The following PCDHGA4 variants were observed in gnomAD, a reference collection of about 807,000 sequenced individuals.
PCDHGA4 encodes the protein protocadherin gamma subfamily A, 4.
PCDHGA4 carries 38 observed loss-of-function variants against 54.6 expected under a neutral mutation model. That is an observed-to-expected ratio of 0.70 (90% confidence interval 0.54 to 0.91). The LOEUF (loss-of-function observed/expected upper bound fraction) is 0.91, where lower values mean the gene tolerates loss of function less well. PCDHGA4 is among the 40% of genes least tolerant of loss of function. PCDHGA4 has a pLI of 0.00. For missense variants in PCDHGA4, 1,298 were observed against 1,220.9 expected (o/e 1.06, Z -0.94); for synonymous variants, 511 against 512.9 (o/e 1.00, Z 0.05).
chr5:141,359,297 G>A (rs1299334892), intron 1 of PCDHGA4, among the ~76,000 whole-genome samples: 3 of 152,098 alleles, frequency 2.0e-5, no homozygotes, highest in Admixed American at 6.5e-5. Context: ...ACTGTGTCAA[G>A]CATATTCAGG....
At position 141,477,418 on chromosome 5, in the gene PCDHGA4, C is replaced by G. The variant is rs759728291; in HGVS notation, c.2515-17389C>G. ...GCATCACCGCCCGAGACGCCGGAAC[C>G]CCTTCCCTCTCAGCCCTTACAATAG... On this transcript the variant is annotated intron_variant, in intron 1 of 3. Transcript: ENST00000571252. This position sits in a 1 kb window ranked among gnomAD's most constrained non-coding sequence, Gnocchi z 4.9. 2 of 1,614,166 alleles carry G rather than the reference C, an allele frequency of 1.2e-6. No homozygotes were observed. Among genetic ancestry groups the G allele is most frequent in the Non-Finnish European group, 1.7e-6 (2 of 1,180,030 alleles).
At chr5:141,372,748 C>G (rs771861396) in intron 1 of PCDHGA4, 13 of 1,613,014 alleles carry the variant, frequency 8.1e-6, no homozygotes, top group East Asian at 2.2e-5. Flanking sequence ...TGTGATGAAG[C>G]CTCTTGGTTT....
intron 1 of PCDHGA4, chr5:141,424,706 T>G (rs752721357): frequency 4.6e-5 from 7 of 152,190 alleles, no homozygotes; most frequent in Non-Finnish European, 8.8e-5. Context: ...TTTGTTCATT[T>G]TCAGTGTAGT....
chr5:141,389,771 C>T lies in PCDHGA4; in HGVS notation c.2514+32150C>T, dbSNP rs1239854891. 4 of 1,613,088 alleles carry T rather than the reference C, an allele frequency of 2.5e-6. No homozygotes were observed. The Admixed American group carries it at 5.0e-5, about 20-fold the overall frequency. ...CGGGCGAAGTGCGCACAGCGCGTGC[C>T]TTAGGCGACAGGGACGCCGTCCGCC... is the stretch of plus-strand genomic sequence containing the variant. On this transcript the variant is annotated intron_variant, in intron 1 of 3. Coordinates refer to ENST00000571252, the MANE Select transcript of PCDHGA4 (RefSeq NM_018917.4).
chr5:141,414,161 G>A (rs960511656), intron 1 of PCDHGA4: 1 of 1,603,276 alleles, frequency 6.2e-7, no homozygotes, highest in Non-Finnish European at 8.5e-7. Flanking sequence ...GAAGATGGAG[G>A]AGCATATCTT....
intron 1 of PCDHGA4, chr5:141,398,504 T>C: frequency 6.2e-7 from 1 of 1,611,098 alleles, no homozygotes; most frequent in Admixed American, 1.7e-5. Flanking sequence ...ATCGAGGACA[T>C]TAATGACCAC....
chr5:141,376,127 G>A (rs1331529697), intron 1 of PCDHGA4: 4 of 1,613,828 alleles, frequency 2.5e-6, no homozygotes, highest in East Asian at 2.2e-5. Flanking sequence ...CGAGCCCTCC[G>A]CCAAACCCAA....
At chr5:141,372,885 A>G (rs1011969316) in intron 1 of PCDHGA4, 5 of 1,202,158 alleles carry the variant, frequency 4.2e-6, no homozygotes, top group Non-Finnish European at 4.5e-6. Flanking sequence ...AAAAGAATAC[A>G]GATTAAATAT....
chr5:141,377,447 A>T (rs1397371836), intron 1 of PCDHGA4: 1 of 152,082 alleles, frequency 6.6e-6, no homozygotes, highest in African/African-American at 2.4e-5. Context: ...AAGAAAAAAA[A>T]GTAGCCAGAT....
At chr5:141,488,134 A>G (rs546928916) in intron 1 of PCDHGA4, among the ~76,000 whole-genome samples, 1 of 152,332 alleles carries the variant, frequency 6.6e-6, no homozygotes, top group African/African-American at 2.4e-5. Flanking sequence ...GAAAGAGGAG[A>G]GAACTAAAGG....
chr5:141,436,638 A>G (rs2097838155), intron 1 of PCDHGA4, among the ~76,000 whole-genome samples: 1 of 152,194 alleles, frequency 6.6e-6, no homozygotes, highest in Non-Finnish European at 1.5e-5. Flanking sequence ...ACATGCAATT[A>G]ATTAACAGTA....
chr5:141,369,839 G>A (rs1482165947), intron 1 of PCDHGA4, among the ~76,000 whole-genome samples: 6 of 152,096 alleles, frequency 3.9e-5, no homozygotes, highest in Non-Finnish European at 7.4e-5. Context: ...GATTTTCTAT[G>A]TATTATTTTA....
chr5:141,393,085 ATCGGGAGGAGC>A (rs2092673421), intron 1 of PCDHGA4: 1 of 1,613,542 alleles, frequency 6.2e-7, no homozygotes, highest in African/African-American at 1.3e-5. Flanking sequence ...GGCAGGATAG[ATCGGGAGGAGC>A]TCTGCGCTCA....
chr5:141,359,109 G>A (rs777269083), intron 1 of PCDHGA4, among the ~76,000 whole-genome samples: 9 of 152,200 alleles, frequency 5.9e-5, no homozygotes, highest in Admixed American at 1.3e-4. Context: ...TGTATTCATA[G>A]AAAGTTGTGG....
Position 141,485,966 on chromosome 5 carries a change from A to T in PCDHGA4, c.2515-8841A>T. ...AGCGGGCATGGTGCTCATCCAGCTC[A>T]ATGCCTCAGACCCGGACCTGGGTCC... On this transcript the variant is annotated intron_variant, in intron 1 of 3. Coordinates refer to ENST00000571252, the MANE Select transcript of PCDHGA4 (RefSeq NM_018917.4). The surrounding 1 kb of genome is among the most constrained non-coding windows in gnomAD (Gnocchi z 5.7). 1 of 1,614,168 alleles carries T rather than the reference A, an allele frequency of 6.2e-7. No individual in the cohort carries two copies. Among genetic ancestry groups the T allele is most frequent in the Non-Finnish European group, 8.5e-7 (1 of 1,179,988 alleles).
At chr5:141,383,575 G>T in intron 1 of PCDHGA4, 1 of 1,613,234 alleles carries the variant, frequency 6.2e-7, no homozygotes, top group African/African-American at 1.3e-5. Flanking sequence ...ATCCAGCACC[G>T]CCCACATCCA....
chr5:141,421,487 C>G (rs1447180364), intron 1 of PCDHGA4: 2 of 1,614,094 alleles, frequency 1.2e-6, no homozygotes, highest in Non-Finnish European at 1.7e-6. Context: ...AGCTTGATCA[C>G]GGCAGGCAGG....
intron 1 of PCDHGA4, chr5:141,371,239 T>C (rs1319098085): frequency 6.2e-7 from 1 of 1,614,010 alleles, no homozygotes. Flanking sequence ...TATGCCTTCA[T>C]CAATATTGGC....
At chr5:141,383,621 T>A in intron 1 of PCDHGA4, 1 of 1,613,880 alleles carries the variant, frequency 6.2e-7, no homozygotes, top group East Asian at 2.2e-5. Flanking sequence ...CACACGCCTG[T>A]CTTCTCTCTG....
Sources: allele counts gnomAD v4.1 joint callset (sites outside exome capture counted in the v4.1 genomes callset), GRCh38; gene constraint gnomAD v4.1.1; non-coding constraint Gnocchi (gnomAD v3.1); transcripts MANE v1.5; gene names NCBI Gene and HGNC (gene_info 2026-07-23, HGNC 2026-07-21).